Variants in PKD2L1 observed in about 807,000 individuals in gnomAD.
PKD2L1 encodes polycystin 2 like 1, transient receptor potential cation channel.
In PKD2L1, 77 loss-of-function variants were observed where a neutral mutation model predicts 93.0. The observed-to-expected ratio is 0.83, with a 90% CI of 0.69 to 1.00. The LOEUF (loss-of-function observed/expected upper bound fraction) is 1.00, where lower values mean the gene tolerates loss of function less well. PKD2L1 is among the 50% of genes least tolerant of loss of function. The pLI is 0.00. For synonymous variants in PKD2L1, 390 were observed against 388.0 expected, an observed-to-expected ratio of 1.01 and a Z score of -0.06; for missense variants, 977 against 990.9, an observed-to-expected ratio of 0.99 and a Z score of 0.19.
Position 100,290,148 on chromosome 10 carries a change from A to T in PKD2L1, c.2127-10T>A, listed in dbSNP as rs1014843021. 6.2e-7 allele frequency: 1 copy of T among 1,613,836 alleles called. No homozygotes were observed. The highest frequency in any genetic ancestry group is 2.2e-5 in the East Asian group (1 of 44,884). On this transcript the variant is annotated splice_polypyrimidine_tract_variant and intron_variant, in intron 13 of 15. Transcript: ENST00000318222. ...AACTCTCCTTGTGAGCCTGTGTGGG[A>T]TTTGAGAGAGACGAATGGAGCAGAA... is the stretch of plus-strand genomic sequence containing the variant.
intron 2 of PKD2L1, among the ~76,000 whole-genome samples, chr10:100,327,113 A>C (rs745935768): frequency 6.6e-5 from 10 of 152,194 alleles, no homozygotes; most frequent in Non-Finnish European, 1.3e-4. Context: ...TGTGTTTCTC[A>C]GTCCAACGTC....
intron 5 of PKD2L1, 69 bp downstream of exon 5, chr10:100,297,313 G>T: frequency 1.3e-6 from 2 of 1,530,180 alleles, no homozygotes; most frequent in Non-Finnish European, 1.8e-6. Context: ...TTTAGGGAAG[G>T]GTCTCATGCA....
chr10:100,288,928 G>C (rs769795802), intron 15 of PKD2L1, 44 bp downstream of exon 15: 1 of 1,333,912 alleles, frequency 7.5e-7, no homozygotes, highest in Non-Finnish European at 1.1e-6. Flanking sequence ...CGGAGGCAGA[G>C]GGAGGGAAGC....
intron 11 of PKD2L1, among the ~76,000 whole-genome samples, chr10:100,292,679 G>C (rs770864075): frequency 4.6e-5 from 7 of 152,100 alleles, no homozygotes; most frequent in African/African-American, 7.2e-5. Context: ...AGTGGGGTGT[G>C]TATTCAATGA....
intron 6 of PKD2L1, among the ~76,000 whole-genome samples, chr10:100,296,779 G>A (rs2134382039): frequency 6.6e-6 from 1 of 152,070 alleles, no homozygotes; most frequent in Non-Finnish European, 1.5e-5. Context: ...GTGAGGAGGA[G>A]AGGAGATGTG....
intron 2 of PKD2L1, among the ~76,000 whole-genome samples, chr10:100,323,261 CA>C (rs1455157402): frequency 4.6e-5 from 7 of 152,056 alleles, no homozygotes; most frequent in Non-Finnish European, 7.4e-5. Context: ...GACAAATAAT[CA>C]CGGCTTTTAT....
At chr10:100,290,612 C>CT in intron 12 of PKD2L1, 93 bp from the exon 13 acceptor site, 1 of 771,298 alleles carries the variant, frequency 1.3e-6, no homozygotes, top group Non-Finnish European at 2.2e-6. Context: ...ATCTCAGGAC[C>CT]AAGGCTCAGG....
intron 2 of PKD2L1, among the ~76,000 whole-genome samples, chr10:100,320,637 A>T (rs1029977598): frequency 1.3e-5 from 2 of 152,238 alleles, no homozygotes; most frequent in Non-Finnish European, 2.9e-5. Flanking sequence ...ACAAAAATAG[A>T]TACACATTAT....
chr10:100,305,301 CA>C (rs1267477538), intron 2 of PKD2L1, among the ~76,000 whole-genome samples: 4 of 151,790 alleles, frequency 2.6e-5, no homozygotes. Context: ...TCAGTAGAGA[CA>C]GGGGTTTCAC....
At chr10:100,298,514 G>T in intron 4 of PKD2L1, 48 bp downstream of exon 4, 1 of 1,596,404 alleles carries the variant, frequency 6.3e-7, no homozygotes. Flanking sequence ...GATGGTGTCA[G>T]GTTTAGAGGG....
chr10:100,301,890 C>T (rs1415756089), intron 2 of PKD2L1, among the ~76,000 whole-genome samples: 3 of 152,222 alleles, frequency 2.0e-5, no homozygotes, highest in Non-Finnish European at 2.9e-5. Flanking sequence ...CAGGTCCCTC[C>T]ATTCGGGGTC....
chr10:100,324,037 A>G (rs563442592), intron 2 of PKD2L1, among the ~76,000 whole-genome samples: 2 of 152,336 alleles, frequency 1.3e-5, no homozygotes, highest in Non-Finnish European at 2.9e-5. Context: ...CATGTTGGCC[A>G]GGCTGGTCTC....
chr10:100,313,482 A>G (rs1848978336), intron 2 of PKD2L1, among the ~76,000 whole-genome samples: 1 of 152,240 alleles, frequency 6.6e-6, no homozygotes, highest in Non-Finnish European at 1.5e-5. Context: ...CTAAGTTAAT[A>G]GAGTTGGTAA....
intron 14 of PKD2L1, among the ~76,000 whole-genome samples, chr10:100,289,313 G>T (rs1396598360): frequency 6.6e-6 from 1 of 152,178 alleles, no homozygotes; most frequent in East Asian, 1.9e-4. Flanking sequence ...GACGAGGTGG[G>T]TGGATCACCT....
At position 100,297,199 on chromosome 10, in the gene PKD2L1, C is replaced by T. The variant is rs1675662926; in HGVS notation, c.966G>A (p.Val322=). Residue 322 remains valine, a synonymous_variant, in exon 6 of 16, where the codon GTG becomes GTA. Transcript: ENST00000318222. ...TGGCACCTCCTGTAGCTGGAAACTC[C>T]ACCACCAGCCTATAGGGGGAGGGGG... ...INLFCVLRLV[V]EFPATGGAIP... 6 of 1,613,678 alleles carry T rather than the reference C, an allele frequency of 3.7e-6. No homozygotes were observed. Among genetic ancestry groups the T allele is most frequent in the Non-Finnish European group, 5.1e-6 (6 of 1,179,886 alleles).
intron 2 of PKD2L1, among the ~76,000 whole-genome samples, chr10:100,300,300 T>A (rs966346338): frequency 7.2e-5 from 11 of 152,138 alleles, no homozygotes; most frequent in Admixed American, 6.5e-4. Context: ...CACAGTCATC[T>A]CCTGAGAGAG....
chr10:100,296,756 G>A (rs903578359), intron 6 of PKD2L1, among the ~76,000 whole-genome samples: 8 of 152,002 alleles, frequency 5.3e-5, no homozygotes, highest in African/African-American at 1.9e-4. Flanking sequence ...AAAACACAGG[G>A]CTCAGATGAC....
chr10:100,300,948 A>C (rs1848661389), intron 2 of PKD2L1, among the ~76,000 whole-genome samples: 1 of 152,126 alleles, frequency 6.6e-6, no homozygotes, highest in Admixed American at 6.5e-5. Flanking sequence ...GCCCCCGATA[A>C]TTCAACGTAG....
Position 100,296,300 on chromosome 10 carries a change from A to G in PKD2L1, c.1186-8T>C. On this transcript the variant is annotated splice_region_variant and splice_polypyrimidine_tract_variant and intron_variant, in intron 6 of 15. Coordinates refer to ENST00000318222, the MANE Select transcript of PKD2L1 (RefSeq NM_016112.3). ...CACAGCCACAATGGAGAGCTGTCAC[A>G]CAGGGGTCATGGGGGTGTCAGAGAA... 6.3e-7 allele frequency: 1 copy of G among 1,582,882 alleles called. No individual in the cohort carries two copies. Among genetic ancestry groups the G allele is most frequent in the Non-Finnish European group, 8.6e-7 (1 of 1,168,272 alleles).
Sources: allele counts gnomAD v4.1 joint callset (sites outside exome capture counted in the v4.1 genomes callset), GRCh38; gene constraint gnomAD v4.1.1; transcripts MANE v1.5; gene names NCBI Gene and HGNC (gene_info 2026-07-23, HGNC 2026-07-21).